The following SMARCAD1 variants were observed in gnomAD, a reference collection of about 807,000 sequenced individuals.
SMARCAD1 encodes SWI/SNF-related matrix-associated actin-dependent regulator of chromatin subfamily A containing DEAD/H box 1.
In SMARCAD1, 25 loss-of-function variants were observed where a neutral mutation model predicts 127.1. That is an observed-to-expected ratio of 0.20 (90% confidence interval 0.14 to 0.27). The LOEUF (loss-of-function observed/expected upper bound fraction) is 0.27. Among genes scored for constraint, SMARCAD1 ranks in the 10% least tolerant of loss-of-function variants. SMARCAD1 has a pLI of 1.00. For synonymous variants in SMARCAD1, 400 were observed against 396.9 expected (o/e 1.01, Z -0.09); for missense variants, 807 against 1,206.0 (o/e 0.67, Z 4.90).
At chr4:94,288,004 T>C (rs547056157) in intron 23 of SMARCAD1, among the ~76,000 whole-genome samples, 1 of 151,856 alleles carries the variant, frequency 6.6e-6, no homozygotes, top group Non-Finnish European at 1.5e-5. Context: ...ATATATATAT[T>C]TTTTTAATTG....
intron 9 of SMARCAD1, among the ~76,000 whole-genome samples, chr4:94,262,889 TAAAA>T (rs368026206): frequency 3.4e-5 from 3 of 87,428 alleles, no homozygotes; most frequent in Non-Finnish European, 7.9e-5. Context: ...TAATTTCTGT[TAAAA>T]AAAAAAAAAA....
intron 2 of SMARCAD1, among the ~76,000 whole-genome samples, chr4:94,221,739 T>C (rs1473860246): frequency 6.6e-6 from 1 of 152,152 alleles, no homozygotes; most frequent in Non-Finnish European, 1.5e-5. Flanking sequence ...AGCTCTTATA[T>C]GGGCTCTTTT....
chr4:94,252,172 A>G lies in SMARCAD1; in HGVS notation c.890-444A>G, dbSNP rs191362158. Among the ~76,000 whole-genome samples, 6 of 152,328 alleles carry G rather than the reference A, an allele frequency of 3.9e-5. No homozygotes were observed. The East Asian group carries it at 1.2e-3, about 29-fold the overall frequency. On this transcript the variant is annotated intron_variant, in intron 8 of 23. Coordinates refer to ENST00000354268, the MANE Select transcript of SMARCAD1 (RefSeq NM_020159.5). ...GCCTATTTGAATAATTTTTTAAGTA[A>G]CGATGCAACTTAGAATATTGAAGAT...
At chr4:94,270,243 T>C (rs1428870207) in intron 10 of SMARCAD1, among the ~76,000 whole-genome samples, 3 of 152,036 alleles carry the variant, frequency 2.0e-5, no homozygotes, top group Admixed American at 6.5e-5. Context: ...TGCTTCAGAA[T>C]TATACATACC....
chr4:94,289,740 T>TA lies in SMARCAD1; in HGVS notation c.*207dup. 1 of 665,368 alleles carries TA rather than the reference T, an allele frequency of 1.5e-6. No individual in the cohort carries two copies. The highest frequency in any genetic ancestry group is 1.5e-5 in the South Asian group (1 of 66,460). The allele number at this position is 665,368 out of a possible 1,614,324, so 41.2% of individuals were successfully genotyped here. A position where few individuals can be genotyped will look rare whatever the true frequency, so the allele number is the denominator to read the frequency against. ...GAAATTTCAAAAAAGAAGCCACAAA[T>TA]ATGTAGTTCTGAAGATGTTGAATAA... On this transcript the variant is annotated 3_prime_UTR_variant, in exon 24 of 24. Coordinates refer to ENST00000354268, the MANE Select transcript of SMARCAD1 (RefSeq NM_020159.5).
At chr4:94,271,539 A>T (rs1752539920) in intron 11 of SMARCAD1, among the ~76,000 whole-genome samples, 1 of 152,250 alleles carries the variant, frequency 6.6e-6, no homozygotes, top group Admixed American at 6.5e-5. Flanking sequence ...GTTAACACAG[A>T]TAATGATATT....
chr4:94,288,769 G>T (rs1755320425), intron 23 of SMARCAD1, among the ~76,000 whole-genome samples: 1 of 152,074 alleles, frequency 6.6e-6, no homozygotes, highest in African/African-American at 2.4e-5. Flanking sequence ...ATTGCCACCT[G>T]TGCTGTTGTC....
rs1314674969 is a variant in SMARCAD1, at chr4:94,207,927, TTG to T, written c.-189_-188del. ...CCGCCGCTCCCCTTCTTTGGCCCCT[TTG>T]TGTCCCCGCAGTGTCGAGGCGCGGG... On this transcript the variant is annotated 5_prime_UTR_variant, in exon 1 of 24. The change creates a premature stop within an existing upstream ORF in the 5' untranslated region. Coordinates refer to ENST00000354268, the MANE Select transcript of SMARCAD1 (RefSeq NM_020159.5). 2.9e-6 allele frequency: 1 copy of T among 346,520 alleles called. No homozygotes were observed. The highest frequency in any genetic ancestry group is 2.1e-5 in the African/African-American group (1 of 46,638). 21.5% of individuals were successfully genotyped at this position (346,520 alleles called of 1,614,324 possible).
intron 6 of SMARCAD1, among the ~76,000 whole-genome samples, chr4:94,246,962 C>G (rs777199415): frequency 1.3e-5 from 2 of 152,230 alleles, no homozygotes; most frequent in East Asian, 3.8e-4. Flanking sequence ...ATACCACATC[C>G]TGTAAAGCAG....
At chr4:94,271,102 T>G (rs1371310611) in intron 11 of SMARCAD1, among the ~76,000 whole-genome samples, 1 of 152,200 alleles carries the variant, frequency 6.6e-6, no homozygotes, top group Non-Finnish European at 1.5e-5. Flanking sequence ...TCACCTGTAA[T>G]TCTACCACTT....
intron 6 of SMARCAD1, among the ~76,000 whole-genome samples, chr4:94,245,774 C>G (rs910697733): frequency 1.3e-4 from 20 of 152,166 alleles, no homozygotes; most frequent in Admixed American, 3.3e-4. Context: ...TTATATGTCA[C>G]TGATGAAGTT....
At chr4:94,219,361 A>T (rs757206848) in intron 2 of SMARCAD1, among the ~76,000 whole-genome samples, 48 of 152,064 alleles carry the variant, frequency 3.2e-4, no homozygotes, top group Admixed American at 1.3e-4. Flanking sequence ...TTCTATGTGA[A>T]TTCATAATCT....
chr4:94,209,641 A>T (rs1037298734), intron 2 of SMARCAD1, among the ~76,000 whole-genome samples: 9 of 152,240 alleles, frequency 5.9e-5, no homozygotes, highest in African/African-American at 2.2e-4. Context: ...AGTTATCATT[A>T]GAATAACATT....
chr4:94,291,273 A>G lies in SMARCAD1; in HGVS notation c.*1739A>G, dbSNP rs2126027958. 2 of 448,942 alleles carry G rather than the reference A, an allele frequency of 4.5e-6. No individual in the cohort carries two copies. Among genetic ancestry groups the G allele is most frequent in the South Asian group, 3.2e-5 (2 of 62,548 alleles). The allele number at this position is 448,942 out of a possible 1,614,324, so 27.8% of individuals were successfully genotyped here. On this transcript the variant is annotated 3_prime_UTR_variant, in exon 24 of 24. Transcript: ENST00000354268. ...TGCGCTATTATGTCTTGGGCTTAAT[A>G]AAAATATTTGTGATCATAAGTTGTA...
At chr4:94,247,827 T>G (rs28497628) in intron 6 of SMARCAD1, among the ~76,000 whole-genome samples, 5,093 of 152,246 alleles carry the variant, frequency 0.033, 264 homozygotes, top group African/African-American at 0.12. Flanking sequence ...CAGAAAAATG[T>G]GTTTTATTTG....
At chr4:94,280,197 T>C (rs1445964641) in intron 19 of SMARCAD1, among the ~76,000 whole-genome samples, 1 of 152,146 alleles carries the variant, frequency 6.6e-6, no homozygotes, top group African/African-American at 2.4e-5. Context: ...TTTTTATTAT[T>C]TTAAACTTAT....
intron 3 of SMARCAD1, among the ~76,000 whole-genome samples, chr4:94,229,792 A>C (rs1745551563): frequency 7.8e-6 from 1 of 128,446 alleles, no homozygotes; most frequent in African/African-American, 2.6e-5. Context: ...AAATGTGAAA[A>C]TGTGTGGTGT....
intron 2 of SMARCAD1, among the ~76,000 whole-genome samples, chr4:94,223,074 A>G (rs904872382): frequency 6.6e-6 from 1 of 152,198 alleles, no homozygotes; most frequent in African/African-American, 2.4e-5. Context: ...ATGTTCAGGA[A>G]GTTCTAGTTC....
intron 10 of SMARCAD1, among the ~76,000 whole-genome samples, chr4:94,267,437 A>C (rs1362975082): frequency 6.6e-6 from 1 of 152,174 alleles, no homozygotes; most frequent in African/African-American, 2.4e-5. Context: ...GCTTTAAACA[A>C]GTCTCTCTAG....
Sources: gnomAD v4.1 joint callset for allele counts (sites outside exome capture counted in the v4.1 genomes callset) on GRCh38, gnomAD v4.1.1 for gene constraint, MANE v1.5 for transcripts, NCBI Gene and HGNC (gene_info 2026-07-23, HGNC 2026-07-21) for gene names.